The following TAF3 variants were observed in gnomAD, a reference collection of about 807,000 sequenced individuals.
TAF3 encodes the protein TATA-box binding protein associated factor 3.
Under a neutral mutation model 80.6 loss-of-function variants are expected in TAF3, and 7 were observed. The ratio of observed to expected loss-of-function variants is 0.09; its 90% CI spans 0.05 to 0.16. The LOEUF (loss-of-function observed/expected upper bound fraction) is 0.16. Among genes scored for constraint, TAF3 ranks in the 10% least tolerant of loss-of-function variants. TAF3 has a pLI of 1.00. For missense variants in TAF3, 921 were observed against 1,140.2 expected (o/e 0.81, Z 2.77); for synonymous variants, 444 against 446.1 (o/e 1.00, Z 0.06).
chr10:7,884,554 T>G (rs1837391025), intron 2 of TAF3, among the ~76,000 whole-genome samples: 2 of 151,970 alleles, frequency 1.3e-5, no homozygotes, highest in African/African-American at 4.8e-5. Flanking sequence ...GCCTGGCTAA[T>G]TTTTGTATTT....
At chr10:7,970,661 A>G (rs1831613421) in intron 3 of TAF3, among the ~76,000 whole-genome samples, 1 of 152,238 alleles carries the variant, frequency 6.6e-6, no homozygotes, top group Admixed American at 6.5e-5. Context: ...TTTAACCGCC[A>G]TATTTTAAAG....
In TAF3 at chr10:7,853,608, A is replaced by C. The variant is rs149153127; in HGVS notation, c.409+29048A>C. On this transcript the variant is annotated intron_variant, in intron 2 of 6. Transcript: ENST00000344293. ...CATCATTGACACGTGAAATTCTCAC[A>C]TACCCCTTCCTTGTTTTGCTTTAGA... Among the ~76,000 whole-genome samples the C allele has an allele frequency of 2.5e-4, 38 of 152,354 alleles. No homozygotes were observed. In the East Asian group the frequency reaches 6.7e-3, roughly 27 times the overall value.
intron 2 of TAF3, among the ~76,000 whole-genome samples, chr10:7,945,598 C>T (rs888740004): frequency 2.0e-5 from 3 of 152,100 alleles, no homozygotes; most frequent in Non-Finnish European, 4.4e-5. Flanking sequence ...CCCCTACCTC[C>T]TCCCACCCCT....
At chr10:7,873,522 T>C (rs1331818852) in intron 2 of TAF3, among the ~76,000 whole-genome samples, 1 of 152,018 alleles carries the variant, frequency 6.6e-6, no homozygotes, top group East Asian at 1.9e-4. Context: ...AGGTGCAAAT[T>C]TAGAATAGTT....
chr10:7,988,537 A>AT (rs1831799932), intron 4 of TAF3, among the ~76,000 whole-genome samples: 1 of 137,456 alleles, frequency 7.3e-6, no homozygotes, highest in Non-Finnish European at 1.5e-5. Flanking sequence ...GTGCCACTAC[A>AT]TTTCAGACCT....
Position 7,951,116 on chromosome 10 carries a change from C to T in TAF3, c.410-12804C>T, listed in dbSNP as rs115290237. Among the ~76,000 whole-genome samples, 187 of 152,274 alleles carry T rather than the reference C, an allele frequency of 1.2e-3. 1 individual carries two copies. Among genetic ancestry groups the T allele is most frequent in the African/African-American group, 4.2e-3 (175 of 41,548 alleles). ...GACCAGAGACTTATAGGAACCTAAC[C>T]GTGTATTTCTCTTAAGAGCAGTGGT... On this transcript the variant is annotated intron_variant, in intron 2 of 6. Transcript: ENST00000344293.
At chr10:7,999,210 AT>A (rs1331497578) in intron 4 of TAF3, among the ~76,000 whole-genome samples, 1 of 152,196 alleles carries the variant, frequency 6.6e-6, no homozygotes, top group Non-Finnish European at 1.5e-5. Flanking sequence ...TAGGTATTCT[AT>A]TTAAAGCTGA....
At chr10:7,860,836 G>A (rs1437147447) in intron 2 of TAF3, among the ~76,000 whole-genome samples, 1 of 146,190 alleles carries the variant, frequency 6.8e-6, no homozygotes. Flanking sequence ...GTCTCGCTCT[G>A]TCACCCAGGC....
chr10:7,904,676 G>A (rs902471367), intron 2 of TAF3, among the ~76,000 whole-genome samples: 2 of 152,216 alleles, frequency 1.3e-5, no homozygotes, highest in African/African-American at 4.8e-5. Flanking sequence ...AGCACACATT[G>A]CAACTGGCAG....
At chr10:7,849,039 G>T (rs1249164195) in intron 2 of TAF3, among the ~76,000 whole-genome samples, 2 of 152,180 alleles carry the variant, frequency 1.3e-5, no homozygotes, top group African/African-American at 2.4e-5. Flanking sequence ...ATCACACTTT[G>T]AGGGACAGGA....
chr10:7,840,376 TCTC>T, intron 2 of TAF3, among the ~76,000 whole-genome samples: 2 of 152,050 alleles, frequency 1.3e-5, no homozygotes, highest in East Asian at 3.9e-4. Flanking sequence ...ATGGTCTCGA[TCTC>T]CTGACCTTGT....
chr10:7,971,566 A>G (rs1831623739), intron 3 of TAF3, among the ~76,000 whole-genome samples: 1 of 152,186 alleles, frequency 6.6e-6, no homozygotes. Flanking sequence ...AGTCCCTGTC[A>G]AAAGATAAAC....
intron 4 of TAF3, among the ~76,000 whole-genome samples, chr10:7,987,643 C>A (rs1022862471): frequency 1.3e-5 from 2 of 152,160 alleles, no homozygotes; most frequent in Admixed American, 6.5e-5. Context: ...AATTAAAATT[C>A]TCACCAGCCG....
At chr10:7,959,332 C>T (rs998823626) in intron 2 of TAF3, among the ~76,000 whole-genome samples, 18 of 152,026 alleles carry the variant, frequency 1.2e-4, no homozygotes, top group African/African-American at 4.1e-4. Context: ...TATTTTAAAA[C>T]GTTTGTATTT....
At chr10:7,993,717 G>A (rs1162913782) in intron 4 of TAF3, among the ~76,000 whole-genome samples, 1 of 151,988 alleles carries the variant, frequency 6.6e-6, no homozygotes, top group Non-Finnish European at 1.5e-5. Context: ...GGCATGGAAT[G>A]TCTGATTGTC....
At chr10:7,852,229 C>T (rs183053399) in intron 2 of TAF3, among the ~76,000 whole-genome samples, 70 of 152,270 alleles carry the variant, frequency 4.6e-4, no homozygotes, top group Middle Eastern at 3.4e-3. Context: ...GGATTACAGA[C>T]GCCTGGCACC....
chr10:7,887,664 A>G (rs895632773), intron 2 of TAF3, among the ~76,000 whole-genome samples: 4 of 152,182 alleles, frequency 2.6e-5, no homozygotes, highest in Admixed American at 2.6e-4. Context: ...GAGTGTTTTG[A>G]TGCTGAATCA....
intron 4 of TAF3, among the ~76,000 whole-genome samples, chr10:7,989,451 T>C (rs1831813173): frequency 6.6e-6 from 1 of 152,218 alleles, no homozygotes; most frequent in Admixed American, 6.5e-5. Context: ...GAGAAACATC[T>C]GTTTGCATTA....
At chr10:7,974,674 A>T (rs984678682) in intron 3 of TAF3, among the ~76,000 whole-genome samples, 1 of 152,142 alleles carries the variant, frequency 6.6e-6, no homozygotes, top group South Asian at 2.1e-4. Context: ...AATGAAGAAG[A>T]AGTGAGAAAA....
Sources: allele counts gnomAD v4.1 joint callset (sites outside exome capture counted in the v4.1 genomes callset), GRCh38; gene constraint gnomAD v4.1.1; transcripts MANE v1.5; gene names NCBI Gene and HGNC (gene_info 2026-07-23, HGNC 2026-07-21).